Variants in FLG observed in about 807,000 individuals in gnomAD.
FLG encodes epidermal filaggrin.
In FLG, 6 loss-of-function variants were observed where a neutral mutation model predicts 3.8. That is an observed-to-expected ratio of 1.60 (90% confidence interval 0.87 to 3.15). The LOEUF (loss-of-function observed/expected upper bound fraction) is 3.15, where lower values mean the gene tolerates loss of function less well. Ranked by LOEUF, FLG falls within the 30% of genes most tolerant of loss-of-function variation. FLG has a pLI of 0.00. For missense variants in FLG, 7,595 were observed against 5,050.9 expected (o/e 1.50, Z -15.27); for synonymous variants, 2,551 against 1,931.6 (o/e 1.32, Z -8.41).
In FLG at chr1:152,312,385, G is replaced by C. The variant is rs774848478; in HGVS notation, c.2501C>G (p.Ser834Cys). 5.0e-6 allele frequency: 8 copies of C among 1,612,614 alleles called. No individual in the cohort carries two copies. The East Asian group carries it at 1.8e-4, about 36-fold the overall frequency. ...ACGAATGGTGTCCTGACCATCTTGGGATGCTGAGTGCCTGGAGTTGTCTCG... is the reference window on the plus strand; with the variant it reads ...ACGAATGGTGTCCTGACCATCTTGGCATGCTGAGTGCCTGGAGTTGTCTCG... ...QARDNSRHSA[S>C]QDGQDTIRGH... Residue 834 changes from serine (S) to cysteine (C), a missense_variant, in exon 3 of 3, where the codon TCC (serine) becomes TGC (cysteine). Physicochemically the swap from Ser to Cys is moderately radical, Grantham distance 112. Transcript: ENST00000368799.
At position 152,303,215 on chromosome 1, in the gene FLG, A is replaced by C. The variant is rs760397232; in HGVS notation, c.11671T>G (p.Ser3891Ala). 65 of 1,613,716 alleles carry C rather than the reference A, an allele frequency of 4.0e-5. No individual in the cohort carries two copies. The highest frequency in any genetic ancestry group is 1.6e-4 in the Middle Eastern group (1 of 6,084). ...ESASRNHHGS[S>A]REQSRDGSRH... ...GAGCCATCTCTTGACTGCTCCCGAG[A>C]AGATCCATGATGGTTTCTGGAAGCA... The change falls in exon 3 of 3, where the codon TCT becomes GCT. Residue 3891 changes from serine to alanine, a missense_variant. By Grantham distance (99) the Ser-to-Ala change is moderately conservative (BLOSUM62 1). Transcript: ENST00000368799.
Position 152,313,234 on chromosome 1 carries a change from G to T in FLG, c.1652C>A (p.Ser551Tyr). 1.9e-6 allele frequency: 3 copies of T among 1,613,866 alleles called. No individual in the cohort carries two copies. The highest frequency in any genetic ancestry group is 2.5e-6 in the Non-Finnish European group (3 of 1,180,012). The change falls in exon 3 of 3, where the codon TCC becomes TAC. Residue 551 changes from serine to tyrosine, a missense_variant. Transcript: ENST00000368799. Reference protein sequence around the residue: ...HSGSHHSHTTSQGRSDASHGQ... With the variant: ...HSGSHHSHTTYQGRSDASHGQ... ...ATGGGAGGCATCAGACCTTCCCTGG[G>T]ATGTGGTGTGGCTGTGATGGGAACC...
In FLG at chr1:152,309,284, T is replaced by G; in HGVS notation, c.5602A>C (p.Thr1868Pro). 1 of 1,613,772 alleles carries G rather than the reference T, an allele frequency of 6.2e-7. No homozygotes were observed. Among genetic ancestry groups the G allele is most frequent in the South Asian group, 1.1e-5 (1 of 91,054 alleles). ...TCTCCTGATTGTTTCTCATTACGTG[T>G]TTGTCTGCTGACACTTCTGGATCCT... is the stretch of plus-strand genomic sequence containing the variant. ...QSGSRSVSRQ[T>P]RNEKQSGDGS... Residue 1868 changes from threonine to proline, a missense_variant, in exon 3 of 3, where the codon ACA (threonine) becomes CCA (proline). Transcript: ENST00000368799.
chr1:152,310,632 G>C lies in FLG; in HGVS notation c.4254C>G (p.Pro1418=), dbSNP rs781640209. 16 of 1,613,848 alleles carry C rather than the reference G, an allele frequency of 9.9e-6. No individual in the cohort carries two copies. In the Admixed American group the frequency reaches 1.2e-4, roughly 12 times the overall value. Residue 1418 remains proline (P), a synonymous_variant, in exon 3 of 3, where the codon CCC becomes CCG. Transcript: ENST00000368799. ...QSVSAHGQAG[P]HQQSHKESAR... ...CGGACTCTTTGTGGCTCTGCTGATG[G>C]GGCCCAGCTTGTCCGTGGGCTGACA...
intron 1 of FLG, among the ~76,000 whole-genome samples, chr1:152,322,335 A>G (rs1653006908): frequency 6.6e-6 from 1 of 151,266 alleles, no homozygotes; most frequent in African/African-American, 2.4e-5. Context: ...AACTGTTATT[A>G]CTCACAGAAT....
rs772876981 is a variant in FLG, at chr1:152,305,050, G to A, written c.9836C>T (p.Ala3279Val). 8 of 1,613,958 alleles carry A rather than the reference G, an allele frequency of 5.0e-6. No homozygotes were observed. The East Asian group carries it at 1.8e-4, about 36-fold the overall frequency. Reference sequence around the variant, plus strand: ...AGCCTGTCCACCAGAGGAAGTCTCTGCGTGACGAGTGCCTGATTGTCTGGA... The same window carrying A: ...AGCCTGTCCACCAGAGGAAGTCTCTACGTGACGAGTGCCTGATTGTCTGGA... ...DRSRQSGTRH[A>V]ETSSGGQAAS... is the part of the protein sequence containing the mutation. The change falls in exon 3 of 3, where the codon GCA becomes GTA. Residue 3279 changes from alanine (A) to valine (V), a missense_variant. Coordinates refer to ENST00000368799, the MANE Select transcript of FLG (RefSeq NM_002016.2).
Position 152,310,438 on chromosome 1 carries a change from T to G in FLG, c.4448A>C (p.Gln1483Pro). ...TCCACGAATGGTGTCCTGACCGTCT[T>G]GGGATGCTGAGTGCCTAGAGCTGTT... Reference protein sequence around the residue: ...ARNSSRHSASQDGQDTIRGHP... With the variant: ...ARNSSRHSASPDGQDTIRGHP... The change falls in exon 3 of 3, where the codon CAA (glutamine) becomes CCA (proline). Residue 1483 changes from glutamine to proline, a missense_variant. Transcript: ENST00000368799. 1.2e-6 allele frequency: 2 copies of G among 1,613,434 alleles called. No homozygotes were observed. Among genetic ancestry groups the G allele is most frequent in the Non-Finnish European group, 1.7e-6 (2 of 1,179,756 alleles).
Position 152,309,201 on chromosome 1 carries a change from A to G in FLG, c.5685T>C (p.Ser1895=), listed in dbSNP as rs751150269. The G allele has an allele frequency of 1.2e-6, 2 of 1,613,602 alleles. No homozygotes were observed. Among genetic ancestry groups the G allele is most frequent in the East Asian group, 2.2e-5 (1 of 44,772 alleles). Residue 1895 remains serine, a synonymous_variant, in exon 3 of 3, where the codon TCT becomes TCC. Coordinates refer to ENST00000368799, the MANE Select transcript of FLG (RefSeq NM_002016.2). ...GTCCCTGGCCCACCTGCGAGTGTCT[A>G]GAGCTGTCGGCCCGAGAGGAAGCTT... is the stretch of plus-strand genomic sequence containing the variant. ...HHEASSRADS[S]RHSQVGQGQS...
Position 152,310,030 on chromosome 1 carries a change from T to A in FLG, c.4856A>T (p.Tyr1619Phe), listed in dbSNP as rs751155855. The A allele has an allele frequency of 1.9e-6, 3 of 1,613,780 alleles. No individual in the cohort carries two copies. The highest frequency in any genetic ancestry group is 2.5e-6 in the Non-Finnish European group (3 of 1,179,956). Reference protein sequence around the residue: ...RRSESASRNHYGSAREQSRHG... With the variant: ...RRSESASRNHFGSAREQSRHG... ...TCTTGACTGCTCCCGAGCAGATCCA[T>A]AATGGTTTCTGGAAGCCGACTCAGA... is the stretch of plus-strand genomic sequence containing the variant. Residue 1619 changes from tyrosine (Y) to phenylalanine (F), a missense_variant, in exon 3 of 3, where the codon TAT becomes TTT. Physicochemically the swap from Tyr to Phe is conservative, Grantham distance 22. Coordinates refer to ENST00000368799, the MANE Select transcript of FLG (RefSeq NM_002016.2).
In FLG at chr1:152,313,690, G is replaced by A. The variant is rs774370689; in HGVS notation, c.1196C>T (p.Ala399Val). Residue 399 changes from alanine to valine, a missense_variant, in exon 3 of 3, where the codon GCC becomes GTC. Transcript: ENST00000368799. Reference sequence around the variant, plus strand: ...AGATGAAGCTTGCCCGCGCCCAGTGGCTGAGTGTCTGGAGCTGTCTGCTGA... The same window carrying A: ...AGATGAAGCTTGCCCGCGCCCAGTGACTGAGTGTCTGGAGCTGTCTGCTGA... ...QQSADSSRHS[A>V]TGRGQASSAV... 2 of 1,613,996 alleles carry A rather than the reference G, an allele frequency of 1.2e-6. No homozygotes were observed. The highest frequency in any genetic ancestry group is 8.5e-7 in the Non-Finnish European group (1 of 1,180,008).
chr1:152,311,798 C>T lies in FLG; in HGVS notation c.3088G>A (p.Gly1030Arg). 1.2e-6 allele frequency: 2 copies of T among 1,614,088 alleles called. No individual in the cohort carries two copies. The highest frequency in any genetic ancestry group is 1.3e-5 in the African/African-American group (1 of 75,028). ...TGGTGGCGGGATCCGTGTCTTTCTC[C>T]TGGACTTGATCTTGCCTGTTCATGG... Reference protein sequence around the residue: ...SSHEQARSSPGERHGSRHQQS... With the variant: ...SSHEQARSSPRERHGSRHQQS... The change falls in exon 3 of 3, where the codon GGA becomes AGA. Residue 1030 changes from glycine (G) to arginine (R), a missense_variant. Physicochemically the swap from Gly to Arg is moderately radical, Grantham distance 125 (BLOSUM62 -2). Transcript: ENST00000368799.
At position 152,302,689 on chromosome 1, in the gene FLG, C is replaced by G. The variant is rs768335641; in HGVS notation, c.*11G>C. ...TTCTATTCTTGGATTAATTCCTTTG[C>G]CATTAATTTCTTACTCATAGTAATA... On this transcript the variant is annotated 3_prime_UTR_variant, in exon 3 of 3. Coordinates refer to ENST00000368799, the MANE Select transcript of FLG (RefSeq NM_002016.2). The G allele has an allele frequency of 1.1e-4, 175 of 1,612,336 alleles. No homozygotes were observed. Among genetic ancestry groups the G allele is most frequent in the Admixed American group, 2.5e-4 (15 of 59,962 alleles).
In FLG at chr1:152,313,928, T is replaced by G. The variant is rs772614004; in HGVS notation, c.958A>C (p.Asn320His). 3 of 1,614,032 alleles carry G rather than the reference T, an allele frequency of 1.9e-6. No homozygotes were observed. The highest frequency in any genetic ancestry group is 1.1e-5 in the South Asian group (1 of 91,058). ...TGCTCCCACGCAGATCCATGATGGT[T>G]TCTGGAAGCCGACCCAGAGTGCCTC... Reference protein sequence around the residue: ...SERHSGSASRNHHGSAWEQSR... With the variant: ...SERHSGSASRHHHGSAWEQSR... The change falls in exon 3 of 3, where the codon AAC becomes CAC. Residue 320 changes from asparagine (N) to histidine (H), a missense_variant. Coordinates refer to ENST00000368799, the MANE Select transcript of FLG (RefSeq NM_002016.2).
rs11582087 is a variant in FLG, at chr1:152,306,380, T to A, written c.8506A>T (p.Ser2836Cys). The stretch of plus-strand genomic sequence containing the variant: ...TCATTACGTGTTGTTCTGCTTGCAC[T>A]TCTGGATCCTGACTGCCCACGGGAG... ...DASRGQSGSR[S>C]ASRTTRNEEQ... The change falls in exon 3 of 3, where the codon AGT (serine) becomes TGT (cysteine). Residue 2836 changes from serine (S) to cysteine (C), a missense_variant. Ser to Cys is a moderately radical substitution (Grantham distance 112). Coordinates refer to ENST00000368799, the MANE Select transcript of FLG (RefSeq NM_002016.2). 21 of 1,602,116 alleles carry A rather than the reference T, an allele frequency of 1.3e-5. No individual in the cohort carries two copies. In the East Asian group the frequency reaches 4.5e-4, roughly 34 times the overall value.
chr1:152,304,734 C>A lies in FLG; in HGVS notation c.10152G>T (p.Gly3384=), dbSNP rs78704340. The change falls in exon 3 of 3, where the codon GGG becomes GGT. Residue 3384 remains glycine, a synonymous_variant. Coordinates refer to ENST00000368799, the MANE Select transcript of FLG (RefSeq NM_002016.2). ...DRSGGRSGRS[G]SFLYQVSTHE... is the part of the protein sequence containing the mutation. ...GAGTGCTCACCTGGTAGAGGAAAGA[C>A]CCTGAACGTCCAGACCTTCCCCCTG... The A allele has an allele frequency of 2.4e-3, 3,827 of 1,612,662 alleles. 56 individuals are homozygous for A. In the African/African-American group the frequency reaches 0.04, roughly 17 times the overall value.
At position 152,308,237 on chromosome 1, in the gene FLG, C is replaced by G. The variant is rs1250071645; in HGVS notation, c.6649G>C (p.Ala2217Pro). 1 of 1,614,026 alleles carries G rather than the reference C, an allele frequency of 6.2e-7. No individual in the cohort carries two copies. The highest frequency in any genetic ancestry group is 1.1e-5 in the South Asian group (1 of 91,084). Reference protein sequence around the residue: ...GSHHHEASSWADSSRHSLVGQ... With the variant: ...GSHHHEASSWPDSSRHSLVGQ... ...ACCAGTGAGTGTCTAGAGCTGTCGGCCCAAGAGGAAGCTTCATGATGATGC... is the reference window on the plus strand; with the variant it reads ...ACCAGTGAGTGTCTAGAGCTGTCGGGCCAAGAGGAAGCTTCATGATGATGC... The change falls in exon 3 of 3, where the codon GCC (alanine) becomes CCC (proline). Residue 2217 changes from alanine (A) to proline (P), a missense_variant. Coordinates refer to ENST00000368799, the MANE Select transcript of FLG (RefSeq NM_002016.2).
Position 152,302,625 on chromosome 1 carries a change from T to A in FLG, c.*75A>T. 1 of 1,570,728 alleles carries A rather than the reference T, an allele frequency of 6.4e-7. No individual in the cohort carries two copies. Among genetic ancestry groups the A allele is most frequent in the Non-Finnish European group, 8.7e-7 (1 of 1,155,996 alleles). On this transcript the variant is annotated 3_prime_UTR_variant, in exon 3 of 3. Coordinates refer to ENST00000368799, the MANE Select transcript of FLG (RefSeq NM_002016.2). ...GGAAAAGATAACTTCCCTGAAAGTATTATGAAGTTTCTTGATTGAAAGTGA... is the reference window on the plus strand; with the variant it reads ...GGAAAAGATAACTTCCCTGAAAGTAATATGAAGTTTCTTGATTGAAAGTGA...
chr1:152,309,823 G>A lies in FLG; in HGVS notation c.5063C>T (p.Ser1688Leu), dbSNP rs768090281. ...GERHGSRHQQ[S>L]ADSSTDSGTG... ...GCCTGAGTCTGTGGAGCTGTCTGCT[G>A]ACTGCTGGTGGCGGGATCCATGTCT... The change falls in exon 3 of 3, where the codon TCA becomes TTA. Residue 1688 changes from serine to leucine, a missense_variant. Transcript: ENST00000368799. The A allele has an allele frequency of 6.2e-7, 1 of 1,614,108 alleles. No individual in the cohort carries two copies. The highest frequency in any genetic ancestry group is 2.2e-5 in the East Asian group (1 of 44,844).
rs373593595 is a variant in FLG, at chr1:152,308,943, G to A, written c.5943C>T (p.His1981=). The change falls in exon 3 of 3, where the codon CAC becomes CAT. Residue 1981 remains histidine (H), a synonymous_variant. Transcript: ENST00000368799. ...CCTGTCCACGAGAGGAAGACTCTGT[G>A]TGACGAGTGCCTGATTGTCTGGAGC... The part of the protein sequence containing the change: ...ADSSRQSGTR[H]TESSSRGQAA... The A allele has an allele frequency of 1.2e-6, 2 of 1,614,036 alleles. No homozygotes were observed. The highest frequency in any genetic ancestry group is 8.5e-7 in the Non-Finnish European group (1 of 1,180,008).
Sources: gnomAD v4.1 joint callset for allele counts (sites outside exome capture counted in the v4.1 genomes callset) on GRCh38, gnomAD v4.1.1 for gene constraint, MANE v1.5 for transcripts, NCBI Gene and HGNC (gene_info 2026-07-23, HGNC 2026-07-21) for gene names.